The following HERC5 variants were observed in gnomAD, a reference collection of about 807,000 sequenced individuals.
HERC5 encodes HECT and RLD domain containing E3 ubiquitin protein ligase 5, also known as E3 ISG15--protein ligase HERC5.
In HERC5, 99 loss-of-function variants were observed where a neutral mutation model predicts 119.6. That is an observed-to-expected ratio of 0.83 (90% CI 0.70 to 0.98). The LOEUF (loss-of-function observed/expected upper bound fraction) is 0.98. HERC5 is among the 50% of genes least tolerant of loss of function. HERC5 has a pLI of 0.00. For synonymous variants in HERC5, 478 were observed against 445.9 expected (o/e 1.07, Z -0.91); for missense variants, 1,267 against 1,241.3 (o/e 1.02, Z -0.31).
chr4:88,484,411 G>A (rs904031449), intron 13 of HERC5, among the ~76,000 whole-genome samples: 6 of 152,126 alleles, frequency 3.9e-5, no homozygotes, highest in African/African-American at 7.2e-5. Context: ...GGCTTTCTTC[G>A]CAGAGAATTT....
intron 15 of HERC5, among the ~76,000 whole-genome samples, chr4:88,488,889 A>G (rs1273671970): frequency 6.6e-6 from 1 of 152,152 alleles, no homozygotes; most frequent in Admixed American, 6.5e-5. Context: ...AATTGTGTGT[A>G]TAGGAGAAAG....
At chr4:88,494,037 C>T (rs1325824500) in intron 17 of HERC5, 128 bp from the exon 18 acceptor site, 2 of 525,878 alleles carry the variant, frequency 3.8e-6, no homozygotes, top group Non-Finnish European at 6.1e-6. Flanking sequence ...ACATTCTTAT[C>T]TCAGGCTTTA....
At chr4:88,466,060 C>CCT (rs1740654330) in intron 6 of HERC5, among the ~76,000 whole-genome samples, 3 of 151,390 alleles carry the variant, frequency 2.0e-5, no homozygotes, top group Admixed American at 1.3e-4. Flanking sequence ...CAAGTCAAGA[C>CCT]CAAGTCAAGA....
intron 18 of HERC5, among the ~76,000 whole-genome samples, chr4:88,495,883 A>T (rs1248448707): frequency 6.6e-6 from 1 of 152,244 alleles, no homozygotes; most frequent in African/African-American, 2.4e-5. Flanking sequence ...AATGTACATG[A>T]ACTAAAAGAT....
intron 13 of HERC5, among the ~76,000 whole-genome samples, chr4:88,479,916 A>G (rs1354355952): frequency 2.6e-5 from 4 of 151,866 alleles, no homozygotes; most frequent in Admixed American, 1.3e-4. Flanking sequence ...AAATACAGAA[A>G]ATTAGCTGGG....
chr4:88,467,183 T>C lies in HERC5; in HGVS notation c.1036T>C (p.Ser346Pro). ...GATGCCGCTTCCAGTGAAAGTATCA[T>C]CAAGTGAAGAACTCAAACTTGGTAA... The part of the protein sequence containing the change: ...QLMPLPVKVS[S>P]SEELKLESHT... Residue 346 changes from serine (S) to proline (P), a missense_variant, in exon 7 of 23, where the codon TCA becomes CCA. Transcript: ENST00000264350. 3.1e-6 allele frequency: 5 copies of C among 1,614,162 alleles called. No individual in the cohort carries two copies. Among genetic ancestry groups the C allele is most frequent in the Non-Finnish European group, 4.2e-6 (5 of 1,180,010 alleles).
chr4:88,479,938 G>T (rs906584215), intron 13 of HERC5, among the ~76,000 whole-genome samples: 4 of 151,978 alleles, frequency 2.6e-5, no homozygotes, highest in African/African-American at 9.7e-5. Context: ...GTGGTGGCGG[G>T]CGCCTGTAGT....
chr4:88,471,567 C>T (rs1482981860), intron 10 of HERC5, among the ~76,000 whole-genome samples: 1 of 152,100 alleles, frequency 6.6e-6, no homozygotes, highest in Non-Finnish European at 1.5e-5. Context: ...TCTTGAACTC[C>T]TGGCCTCAAG....
chr4:88,489,463 C>T (rs1741564164), intron 16 of HERC5, 127 bp downstream of exon 16: 4 of 868,314 alleles, frequency 4.6e-6, no homozygotes, highest in Non-Finnish European at 5.3e-6. Context: ...TTTAGGGTTC[C>T]TCTGATTCCC....
rs750469669 is a variant in HERC5 at position 88,505,704 on chromosome 4, G to A, written c.2901G>A (p.Met967Ile). The part of the protein sequence containing the change: ...VFLTGTDRLQ[M>I]KDLNNMKITF... ...TTACAGGAACTGACAGACTACAAAT[G>A]AAAGATTTAAATAATATGAAAATAA... Residue 967 changes from methionine (M) to isoleucine (I), a missense_variant, in exon 23 of 23, where the codon ATG (methionine) becomes ATA (isoleucine). Physicochemically the swap from Met to Ile is conservative, Grantham distance 10 (BLOSUM62 1). Coordinates refer to ENST00000264350, the MANE Select transcript of HERC5 (RefSeq NM_016323.4). The A allele has an allele frequency of 6.3e-7, 1 of 1,589,370 alleles. No individual in the cohort carries two copies. Among genetic ancestry groups the A allele is most frequent in the Non-Finnish European group, 8.6e-7 (1 of 1,159,502 alleles).
chr4:88,489,259 A>C lies in HERC5; in HGVS notation c.2056A>C (p.Arg686=). Residue 686 remains arginine, a synonymous_variant, in exon 16 of 23, where the codon AGA becomes CGA. Coordinates refer to ENST00000264350, the MANE Select transcript of HERC5 (RefSeq NM_016323.4). ...ALRPTFDLTV[R]RNHLIEDVLN... ...GAGGCCCACGTTTGATCTAACAGTC[A>C]GAAGGAATCACTTGATTGAGGATGT... is the stretch of plus-strand genomic sequence containing the variant. The C allele has an allele frequency of 6.2e-7, 1 of 1,614,076 alleles. No homozygotes were observed. Among genetic ancestry groups the C allele is most frequent in the South Asian group, 1.1e-5 (1 of 91,052 alleles).
chr4:88,483,384 T>C (rs554410156), intron 13 of HERC5, among the ~76,000 whole-genome samples: 1 of 152,124 alleles, frequency 6.6e-6, no homozygotes, highest in Non-Finnish European at 1.5e-5. Flanking sequence ...AATTGTTTCA[T>C]TTTTGGAGAG....
intron 20 of HERC5, among the ~76,000 whole-genome samples, chr4:88,503,352 TTAGG>T (rs1742001864): frequency 6.6e-6 from 1 of 152,154 alleles, no homozygotes; most frequent in Non-Finnish European, 1.5e-5. Flanking sequence ...TGAAAAAATG[TTAGG>T]TAGTTTTCTA....
At chr4:88,489,374 G>GAAAAGAAAAACAT (rs1436269030) in intron 16 of HERC5, 38 bp downstream of exon 16, 26 of 1,535,038 alleles carry the variant, frequency 1.7e-5, no homozygotes, top group Admixed American at 1.2e-4. Context: ...TTGCTGCTGA[G>GAAAAGAAAAACAT]AAAAGAAAAA....
At chr4:88,492,097 G>A (rs1050492449) in intron 16 of HERC5, among the ~76,000 whole-genome samples, 2 of 151,924 alleles carry the variant, frequency 1.3e-5, no homozygotes, top group African/African-American at 4.8e-5. Flanking sequence ...TTCATCTCCC[G>A]GGTTCAAGTG....
intron 14 of HERC5, 102 bp downstream of exon 14, chr4:88,486,330 G>A: frequency 1.5e-6 from 1 of 665,872 alleles, no homozygotes; most frequent in Non-Finnish European, 2.6e-6. Flanking sequence ...CAGGACTTGT[G>A]GGAAACATTA....
chr4:88,475,609 A>G (rs1202706867), intron 11 of HERC5, among the ~76,000 whole-genome samples: 1 of 152,014 alleles, frequency 6.6e-6, no homozygotes, highest in South Asian at 2.1e-4. Context: ...GATCTCCTTC[A>G]TGCACCCTGA....
Position 88,506,105 on chromosome 4 carries a change from T to C in HERC5, c.*227T>C. Reference sequence around the variant, plus strand: ...TCCCTTGGATACCCCTATGCCTACATCATATTCCTTACCTCTTTTGGGAAA... The same window carrying C: ...TCCCTTGGATACCCCTATGCCTACACCATATTCCTTACCTCTTTTGGGAAA... On this transcript the variant is annotated 3_prime_UTR_variant, in exon 23 of 23. Coordinates refer to ENST00000264350, the MANE Select transcript of HERC5 (RefSeq NM_016323.4). 2 of 473,794 alleles carry C rather than the reference T, an allele frequency of 4.2e-6. No individual in the cohort carries two copies. The highest frequency in any genetic ancestry group is 8.5e-5 in the South Asian group (2 of 23,408). The allele number at this position is 473,794 out of a possible 1,614,324, so 29.3% of individuals were successfully genotyped here.
chr4:88,457,648 C>T, intron 1 of HERC5, 114 bp downstream of exon 1: 1 of 1,091,152 alleles, frequency 9.2e-7, no homozygotes, highest in Non-Finnish European at 1.2e-6. Context: ...CAGAAGGCCG[C>T]AGACGCGCGC....
Sources: gnomAD v4.1 joint callset for allele counts (sites outside exome capture counted in the v4.1 genomes callset) on GRCh38, gnomAD v4.1.1 for gene constraint, MANE v1.5 for transcripts, NCBI Gene and HGNC (gene_info 2026-07-23, HGNC 2026-07-21) for gene names.